Variants in DACH2 observed in about 807,000 individuals in gnomAD.
DACH2 encodes the protein dachshund family transcription factor 2, also known as dachshund homolog 2.
A neutral mutation model predicts 35.8 loss-of-function variants in DACH2; 17 were observed. The ratio of observed to expected loss-of-function variants is 0.48; its 90% confidence interval spans 0.33 to 0.71. The LOEUF is 0.71. Among genes scored for constraint, DACH2 ranks in the 30% least tolerant of loss-of-function variants. The pLI is 0.02. For synonymous variants in DACH2, 195 were observed against 177.3 expected (o/e 1.10, Z -0.79); for missense variants, 469 against 472.7 (o/e 0.99, Z 0.07).
intron 3 of DACH2, among the ~76,000 whole-genome samples, chrX:86,625,875 G>A (rs1339480864): frequency 9.0e-6 from 1 of 111,085 alleles, no homozygotes; most frequent in Non-Finnish European, 1.9e-5. Context: ...TGACATGTGG[G>A]GATTATGGGA....
At chrX:86,446,035 T>A (rs1235622118) in intron 2 of DACH2, among the ~76,000 whole-genome samples, 1 of 111,191 alleles carries the variant, frequency 9.0e-6, no homozygotes, top group Non-Finnish European at 1.9e-5. Context: ...AGTGCCCCAA[T>A]GTTGGGTGCA....
At chrX:86,323,018 G>C (rs1364989567) in intron 1 of DACH2, among the ~76,000 whole-genome samples, 3 of 112,611 alleles carry the variant, frequency 2.7e-5, no homozygotes, top group African/African-American at 3.2e-5. Flanking sequence ...GGACGTAAAA[G>C]GGAGAAGAAT....
intron 2 of DACH2, among the ~76,000 whole-genome samples, chrX:86,386,165 C>T (rs1238227616): frequency 9.0e-6 from 1 of 111,653 alleles, no homozygotes; most frequent in Non-Finnish European, 1.9e-5. Context: ...GTAACGGTTT[C>T]TCTCCTTGTT....
At chrX:86,609,508 T>C (rs1003692477) in intron 3 of DACH2, among the ~76,000 whole-genome samples, 1 of 112,383 alleles carries the variant, frequency 8.9e-6, no homozygotes, top group Non-Finnish European at 1.9e-5. Context: ...TTTTCCTGAA[T>C]TATCTTTATA....
intron 3 of DACH2, among the ~76,000 whole-genome samples, chrX:86,531,078 T>G (rs138434637): frequency 0.067 from 7,525 of 111,775 alleles, 643 homozygotes; most frequent in African/African-American, 0.23. Context: ...GCATTCAAGA[T>G]GTGACATGAC....
At chrX:86,736,562 A>G (rs966735639) in intron 6 of DACH2, among the ~76,000 whole-genome samples, 2 of 110,812 alleles carry the variant, frequency 1.8e-5, no homozygotes, top group African/African-American at 6.5e-5. Context: ...AACGTTCTTG[A>G]TATTTTCTGT....
At chrX:86,625,953 C>G in intron 3 of DACH2, among the ~76,000 whole-genome samples, 1 of 111,220 alleles carries the variant, frequency 9.0e-6, no homozygotes, top group South Asian at 3.8e-4. Flanking sequence ...CTAGTCCCTC[C>G]CAAATCTCAT....
intron 3 of DACH2, among the ~76,000 whole-genome samples, chrX:86,608,566 C>T (rs973956291): frequency 3.6e-5 from 4 of 111,908 alleles, no homozygotes; most frequent in African/African-American, 1.3e-4. Flanking sequence ...TTACTTATTG[C>T]TCCTTAATAT....
intron 1 of DACH2, among the ~76,000 whole-genome samples, chrX:86,202,611 C>T (rs6524595): frequency 0.11 from 11,595 of 107,206 alleles, 1,512 homozygotes; most frequent in African/African-American, 0.41. Flanking sequence ...AAGTTGGCTA[C>T]GCTTAAGTTT....
chrX:86,455,496 C>T (rs1356810560), intron 2 of DACH2, among the ~76,000 whole-genome samples: 1 of 111,876 alleles, frequency 8.9e-6, no homozygotes, highest in African/African-American at 3.3e-5. Context: ...GTTGAAGCCC[C>T]CTCAGAGGGT....
At chrX:86,185,486 G>A (rs1418939264) in intron 1 of DACH2, among the ~76,000 whole-genome samples, 1 of 111,451 alleles carries the variant, frequency 9.0e-6, no homozygotes, top group African/African-American at 3.3e-5. Flanking sequence ...TGAGGCAGGA[G>A]AAGAATATGC....
intron 3 of DACH2, among the ~76,000 whole-genome samples, chrX:86,597,385 T>C (rs935096347): frequency 4.5e-5 from 5 of 112,117 alleles, no homozygotes; most frequent in African/African-American, 1.3e-4. Context: ...TTTATTAATC[T>C]CAAACTACTT....
intron 2 of DACH2, among the ~76,000 whole-genome samples, chrX:86,422,760 T>C (rs758699570): frequency 1.8e-5 from 2 of 111,009 alleles, no homozygotes; most frequent in South Asian, 7.5e-4. Context: ...ATACTAGGTC[T>C]TATTCATTTA....
rs1371257600 is a variant in DACH2, at chrX:86,327,997, A to G, written c.489-48827A>G. 2.7e-5 allele frequency among the ~76,000 whole-genome samples: 3 copies of G among 111,414 alleles called. 1 individual carries two copies. In the Admixed American group the frequency reaches 2.9e-4, roughly 11 times the overall value. ...TCCTTATAATTTACCACCTTTTACCATTACTGCAATACTTGTTTTTTTCTT... is the reference window on the plus strand; with the variant it reads ...TCCTTATAATTTACCACCTTTTACCGTTACTGCAATACTTGTTTTTTTCTT... On this transcript the variant is annotated intron_variant, in intron 1 of 11. Coordinates refer to ENST00000373125, the MANE Select transcript of DACH2 (RefSeq NM_053281.3).
chrX:86,650,985 T>A (rs1402582734), intron 3 of DACH2, 51 bp from the exon 4 acceptor site: 2 of 1,053,169 alleles, frequency 1.9e-6, no homozygotes, highest in Non-Finnish European at 2.5e-6. Flanking sequence ...AAATAAAAGT[T>A]GAAATTATTA....
At chrX:86,813,387 G>T in intron 9 of DACH2, 110 bp downstream of exon 9, 1 of 654,208 alleles carries the variant, frequency 1.5e-6, no homozygotes, top group Non-Finnish European at 2.2e-6. Flanking sequence ...AGGATCACGA[G>T]GTCAGGAGAT....
At chrX:86,594,978 G>T (rs1007809824) in intron 3 of DACH2, among the ~76,000 whole-genome samples, 1 of 111,278 alleles carries the variant, frequency 9.0e-6, no homozygotes, top group Non-Finnish European at 1.9e-5. Context: ...TTCACCTTCA[G>T]AATTGTTATG....
intron 3 of DACH2, among the ~76,000 whole-genome samples, chrX:86,623,270 A>G (rs1057266155): frequency 1.1e-4 from 12 of 112,726 alleles, no homozygotes; most frequent in Non-Finnish European, 2.1e-4. Flanking sequence ...GGACATTCAA[A>G]GATGAGAATA....
chrX:86,546,404 C>CTT (rs774988785), intron 3 of DACH2, among the ~76,000 whole-genome samples: 276 of 21,506 alleles, frequency 0.013, 2 homozygotes, highest in South Asian at 0.02. Flanking sequence ...TCTTCTTCTT[C>CTT]CTTCTTCTTC....
Sources: gnomAD v4.1 joint callset for allele counts (sites outside exome capture counted in the v4.1 genomes callset) on GRCh38, gnomAD v4.1.1 for gene constraint, MANE v1.5 for transcripts, NCBI Gene and HGNC (gene_info 2026-07-23, HGNC 2026-07-21) for gene names.